Variants in RANBP17 observed in about 807,000 individuals in gnomAD.
RANBP17 encodes ran-binding protein 17.
A neutral mutation model predicts 141.2 loss-of-function variants in RANBP17; 158 were observed. The ratio of observed to expected loss-of-function variants is 1.12; its 90% CI spans 0.98 to 1.28. The LOEUF is 1.28. Among genes scored for constraint, RANBP17 ranks in the 50% most tolerant of loss-of-function variants. The pLI, the probability that RANBP17 is intolerant of heterozygous loss-of-function variation, is 0.00. For synonymous variants in RANBP17, 430 were observed against 450.0 expected (o/e 0.96, Z 0.56); for missense variants, 1,438 against 1,290.7 (o/e 1.11, Z -1.75).
chr5:171,244,046 C>T (rs1666179438), intron 24 of RANBP17, among the ~76,000 whole-genome samples: 1 of 151,880 alleles, frequency 6.6e-6, no homozygotes. Flanking sequence ...CGAGACTGCA[C>T]CATTGCACTC....
chr5:170,988,752 T>C (rs983833979), intron 14 of RANBP17, among the ~76,000 whole-genome samples: 3 of 151,840 alleles, frequency 2.0e-5, no homozygotes, highest in Non-Finnish European at 4.4e-5. Flanking sequence ...TGATAGTTCT[T>C]GCTTCTGGAA....
intron 14 of RANBP17, among the ~76,000 whole-genome samples, chr5:170,978,210 C>A (rs1263514436): frequency 6.6e-6 from 1 of 151,978 alleles, no homozygotes; most frequent in Non-Finnish European, 1.5e-5. Flanking sequence ...CTGATCAAAC[C>A]TTGATGATGG....
intron 16 of RANBP17, among the ~76,000 whole-genome samples, chr5:171,178,554 T>A (rs1760668387): frequency 6.6e-6 from 1 of 152,138 alleles, no homozygotes. Context: ...GATTGCTGGG[T>A]CAAATGGTAT....
At chr5:170,886,888 C>A (rs1274408437) in intron 3 of RANBP17, among the ~76,000 whole-genome samples, 1 of 151,830 alleles carries the variant, frequency 6.6e-6, no homozygotes, top group Non-Finnish European at 1.5e-5. Flanking sequence ...GTCTTGAACT[C>A]CTGAGCTCAA....
At chr5:171,258,920 C>T (rs894120017) in intron 24 of RANBP17, among the ~76,000 whole-genome samples, 4 of 152,020 alleles carry the variant, frequency 2.6e-5, no homozygotes, top group African/African-American at 9.7e-5. Context: ...AAGAAATAAC[C>T]AACAGAGTAA....
chr5:171,103,327 T>C (rs1302665911), intron 14 of RANBP17, among the ~76,000 whole-genome samples: 2 of 152,214 alleles, frequency 1.3e-5, no homozygotes, highest in African/African-American at 4.8e-5. Flanking sequence ...AGAGGCAGTC[T>C]GGCTACAGCG....
At chr5:171,200,871 A>T (rs1176637802) in intron 19 of RANBP17, among the ~76,000 whole-genome samples, 1 of 152,218 alleles carries the variant, frequency 6.6e-6, no homozygotes, top group African/African-American at 2.4e-5. Flanking sequence ...GAATTTTAAA[A>T]CCAAAAGAAG....
At chr5:171,016,581 T>C (rs10475557) in intron 14 of RANBP17, among the ~76,000 whole-genome samples, 92,346 of 151,342 alleles carry the variant, frequency 0.61, 29,496 homozygotes, top group South Asian at 0.88. Flanking sequence ...ATGTGCACAA[T>C]GTGCAGGTTT....
intron 14 of RANBP17, among the ~76,000 whole-genome samples, chr5:171,146,562 A>G (rs968229914): frequency 4.6e-5 from 7 of 152,186 alleles, no homozygotes; most frequent in African/African-American, 1.4e-4. Flanking sequence ...AAAAAACGGT[A>G]TGTAATGTGT....
At chr5:171,103,972 T>G (rs1787368333) in intron 14 of RANBP17, among the ~76,000 whole-genome samples, 1 of 152,176 alleles carries the variant, frequency 6.6e-6, no homozygotes, top group Non-Finnish European at 1.5e-5. Context: ...GCCAGGTACC[T>G]CAGCCGGAAA....
At chr5:171,150,505 G>C (rs1758398126) in intron 14 of RANBP17, among the ~76,000 whole-genome samples, 1 of 150,900 alleles carries the variant, frequency 6.6e-6, no homozygotes, top group African/African-American at 2.4e-5. Flanking sequence ...TAGATGATAT[G>C]CAAGTGATAT....
chr5:171,265,920 T>A, intron 25 of RANBP17, 73 bp downstream of exon 25: 1 of 1,395,364 alleles, frequency 7.2e-7, no homozygotes, highest in Non-Finnish European at 9.9e-7. Flanking sequence ...GAATTTATCT[T>A]AGAGCAGCTG....
intron 14 of RANBP17, among the ~76,000 whole-genome samples, chr5:171,099,491 G>C (rs1786968540): frequency 6.6e-6 from 1 of 152,180 alleles, no homozygotes; most frequent in South Asian, 2.1e-4. Flanking sequence ...TTTGGCTTAA[G>C]GAGATTTTGG....
At chr5:170,963,872 G>A (rs561408354) in intron 13 of RANBP17, among the ~76,000 whole-genome samples, 1 of 152,264 alleles carries the variant, frequency 6.6e-6, no homozygotes, top group East Asian at 1.9e-4. Flanking sequence ...TATAGACAAA[G>A]GGGTCAACCC....
intron 14 of RANBP17, among the ~76,000 whole-genome samples, chr5:170,991,289 ATTTAAG>A (rs1244608442): frequency 2.0e-5 from 3 of 151,968 alleles, no homozygotes; most frequent in Non-Finnish European, 2.9e-5. Context: ...AATGCCTCTC[ATTTAAG>A]TTTATCAGTT....
chr5:171,083,833 C>G (rs1363712860), intron 14 of RANBP17, among the ~76,000 whole-genome samples: 1 of 152,112 alleles, frequency 6.6e-6, no homozygotes, highest in Admixed American at 6.5e-5. Flanking sequence ...ATAAGCTCCT[C>G]TCTTGCCTGC....
intron 25 of RANBP17, among the ~76,000 whole-genome samples, chr5:171,278,472 T>C (rs777854662): frequency 2.6e-5 from 4 of 152,002 alleles, no homozygotes; most frequent in Admixed American, 6.6e-5. Context: ...TGAGGCGCCA[T>C]TGCACTCCAG....
chr5:171,045,134 C>T (rs1259443093), intron 14 of RANBP17, among the ~76,000 whole-genome samples: 1 of 152,032 alleles, frequency 6.6e-6, no homozygotes, highest in East Asian at 1.9e-4. Flanking sequence ...TAATGTATAA[C>T]TTAACAAACA....
chr5:170,925,339 A>T (rs1772832879), intron 12 of RANBP17, among the ~76,000 whole-genome samples: 1 of 152,144 alleles, frequency 6.6e-6, no homozygotes, highest in Non-Finnish European at 1.5e-5. Context: ...GCGTTAAGTC[A>T]CACAGTACTG....
Sources: allele counts gnomAD v4.1 joint callset (sites outside exome capture counted in the v4.1 genomes callset), GRCh38; gene constraint gnomAD v4.1.1; transcripts MANE v1.5; gene names NCBI Gene and HGNC (gene_info 2026-07-23, HGNC 2026-07-21).